The following DYNLRB2 variants were observed in gnomAD, a reference collection of about 807,000 sequenced individuals.
DYNLRB2 encodes dynein light chain roadblock-type 2, also known as bithoraxoid-like protein.
Under a neutral mutation model 12.6 loss-of-function variants are expected in DYNLRB2, and 14 were observed. The observed-to-expected ratio is 1.11, with a 90% CI of 0.73 to 1.73. DYNLRB2 has a LOEUF of 1.73. DYNLRB2 is among the 40% of genes most tolerant of loss of function. DYNLRB2 has a pLI of 0.00. For synonymous variants in DYNLRB2, 53 were observed against 37.0 expected, an observed-to-expected ratio of 1.43 and a Z score of -1.57; for missense variants, 142 against 117.7, an observed-to-expected ratio of 1.21 and a Z score of -0.95.
At chr16:80,541,343 G>C (rs1904286492) in intron 1 of DYNLRB2, 1 of 984,464 alleles carries the variant, frequency 1.0e-6, no homozygotes, top group African/African-American at 1.7e-5. Flanking sequence ...AGGGAAGAGA[G>C]AGATTCAGAG....
chr16:80,549,462 C>T, intron 2 of DYNLRB2, 22 bp from the exon 3 acceptor site: 2 of 1,555,562 alleles, frequency 1.3e-6, no homozygotes, highest in East Asian at 2.3e-5. Context: ...AAAATATTAA[C>T]CAAAATTAAA....
Position 80,543,357 on chromosome 16 carries a change from T to G in DYNLRB2, c.79+6T>G. ...TATGGTTGTAAATGCAGAAGGTAAA[T>G]ATATCACAGGCTGTCTTCTTGACAC... On this transcript the variant is annotated splice_donor_region_variant and intron_variant, in intron 2 of 3. Coordinates refer to ENST00000305904, the MANE Select transcript of DYNLRB2 (RefSeq NM_130897.3). 1.2e-6 allele frequency: 2 copies of G among 1,613,780 alleles called. No individual in the cohort carries two copies. The highest frequency in any genetic ancestry group is 1.7e-6 in the Non-Finnish European group (2 of 1,179,770).
intron 1 of DYNLRB2, among the ~76,000 whole-genome samples, chr16:80,542,788 G>A (rs765708751): frequency 2.0e-5 from 3 of 152,084 alleles, no homozygotes; most frequent in Admixed American, 1.3e-4. Context: ...TTAATCATCC[G>A]AACTGATTAG....
chr16:80,549,680 A>G, intron 3 of DYNLRB2, 29 bp downstream of exon 3: 1 of 1,550,456 alleles, frequency 6.4e-7, no homozygotes, highest in Non-Finnish European at 8.8e-7. Context: ...TCCTAGTTAA[A>G]TCATCTTTCT....
At position 80,550,567 on chromosome 16, in the gene DYNLRB2, T is replaced by C; in HGVS notation, c.*9T>C. 1 of 1,614,220 alleles carries C rather than the reference T, an allele frequency of 6.2e-7. No homozygotes were observed. Among genetic ancestry groups the C allele is most frequent in the Non-Finnish European group, 8.5e-7 (1 of 1,180,018 alleles). On this transcript the variant is annotated 3_prime_UTR_variant, in exon 4 of 4. Transcript: ENST00000305904. Reference sequence around the variant, plus strand: ...AGAATCCATGTGAATAGACCTGCGATGGCCAAGGCTGTTTAAGCGACACTG... The same window carrying C: ...AGAATCCATGTGAATAGACCTGCGACGGCCAAGGCTGTTTAAGCGACACTG...
At chr16:80,542,423 C>A (rs1904296277) in intron 1 of DYNLRB2, among the ~76,000 whole-genome samples, 1 of 152,052 alleles carries the variant, frequency 6.6e-6, no homozygotes, top group South Asian at 2.1e-4. Context: ...ATACCAAGTA[C>A]AAAGGAAAAC....
chr16:80,543,454 ATATATT>A lies in DYNLRB2; in HGVS notation c.79+109_79+114del, dbSNP rs2142306553. 9.5e-6 allele frequency: 10 copies of A among 1,047,788 alleles called. No homozygotes were observed. In the East Asian group the frequency reaches 2.6e-4, roughly 27 times the overall value. The allele number at this position is 1,047,788 out of a possible 1,614,324, so 64.9% of individuals were successfully genotyped here. A position where few individuals can be genotyped will look rare whatever the true frequency, so the allele number is the denominator to read the frequency against. ...AACATCTTCGAATTTGACATCAAAA[ATATATT>A]TATATATTTTAGCTCTGGCATTCAC... On this transcript the variant is annotated intron_variant, in intron 2 of 3. Transcript: ENST00000305904.
At chr16:80,544,214 G>T (rs1418582823) in intron 2 of DYNLRB2, among the ~76,000 whole-genome samples, 1 of 152,172 alleles carries the variant, frequency 6.6e-6, no homozygotes. Context: ...TTACCACTAA[G>T]AATGGACAAT....
chr16:80,548,956 C>CA lies in DYNLRB2; in HGVS notation c.80-527dup, dbSNP rs1445794118. On this transcript the variant is annotated intron_variant, in intron 2 of 3. Transcript: ENST00000305904. ...TTGTGGCCTCAGGGAAGAAGACTAA[C>CA]ACCATGTCACAGAGCAAGAACTTCA... 4 of 455,974 alleles carry CA rather than the reference C, an allele frequency of 8.8e-6. No homozygotes were observed. In the East Asian group the frequency reaches 2.8e-4, roughly 32 times the overall value. 28.2% of individuals were successfully genotyped at this position (455,974 alleles called of 1,614,324 possible). A position where few individuals can be genotyped will look rare whatever the true frequency, so the allele number is the denominator to read the frequency against.
intron 2 of DYNLRB2, chr16:80,544,566 A>G (rs1904336331): frequency 6.6e-6 from 1 of 152,206 alleles, no homozygotes; most frequent in South Asian, 2.1e-4. Context: ...AGGTATTTGC[A>G]TACACTCTGC....
intron 1 of DYNLRB2, 61 bp downstream of exon 1, chr16:80,541,140 TCG>T (rs1904284707): frequency 2.5e-6 from 4 of 1,569,764 alleles, no homozygotes. Context: ...TCAAGGACCT[TCG>T]CACCCAGCTT....
rs775659372 is a variant in DYNLRB2, at chr16:80,545,666, C to CTTTTTTTTTTTTTTTTTTTTT, written c.79+2334_79+2335insTTTTTTTTTTTTTTTTTTTTT. 1.2e-4 allele frequency among the ~76,000 whole-genome samples: 9 copies of CTTTTTTTTTTTTTTTTTTTTT among 74,916 alleles called. 2 individuals carry two copies. Among genetic ancestry groups the CTTTTTTTTTTTTTTTTTTTTT allele is most frequent in the East Asian group, 4.5e-4 (1 of 2,226 alleles). 49.1% of individuals were successfully genotyped at this position (74,916 alleles called of 152,430 possible). ...TATTATTTTCAGTACCCATTAGCTTCTTTTTTTTTTTTTTTTTTTGAGATG... is the reference window on the plus strand; with the variant it reads ...TATTATTTTCAGTACCCATTAGCTTCTTTTTTTTTTTTTTTTTTTTTTTTTTTTTTTTTTTTTTTTGAGATG... On this transcript the variant is annotated intron_variant, in intron 2 of 3. Transcript: ENST00000305904.
rs1419692852 is a variant in DYNLRB2, at chr16:80,549,536, C to T, written c.132C>T (p.Gly44=). 6.2e-7 allele frequency: 1 copy of T among 1,613,254 alleles called. No individual in the cohort carries two copies. Among genetic ancestry groups the T allele is most frequent in the African/African-American group, 1.3e-5 (1 of 74,916 alleles). Residue 44 remains glycine, a synonymous_variant, in exon 3 of 4, where the codon GGC becomes GGT. Transcript: ENST00000305904. ...LDNSTTVQYA[G]LLHHLTMKAK... ...ACTCAACAACTGTTCAATATGCAGG[C>T]CTTCTTCATCACCTGACAATGAAAG...
intron 2 of DYNLRB2, among the ~76,000 whole-genome samples, chr16:80,543,893 T>G (rs1007506543): frequency 6.6e-6 from 1 of 152,212 alleles, no homozygotes; most frequent in Non-Finnish European, 1.5e-5. Context: ...TACCAGAAAC[T>G]TGCTCTTGCT....
At position 80,549,496 on chromosome 16, in the gene DYNLRB2, G is replaced by A. The variant is rs370779812; in HGVS notation, c.92G>A (p.Arg31Gln). Residue 31 changes from arginine to glutamine, a missense_variant, in exon 3 of 4, where the codon CGA becomes CAA. Physicochemically the swap from Arg to Gln is conservative, Grantham distance 43 (BLOSUM62 1). Transcript: ENST00000305904. The stretch of plus-strand genomic sequence containing the variant: ...AATTTCATAATAGGTATTCCCATCC[G>A]AACAACCTTGGACAACTCAACAACT... ...MVVNAEGIPI[R>Q]TTLDNSTTVQ... is the part of the protein sequence containing the mutation. 1.4e-5 allele frequency: 22 copies of A among 1,594,980 alleles called. No individual in the cohort carries two copies. Among genetic ancestry groups the A allele is most frequent in the East Asian group, 9.0e-5 (4 of 44,626 alleles).
intron 1 of DYNLRB2, chr16:80,541,412 G>A (rs1404668535): frequency 1.0e-6 from 1 of 984,314 alleles, no homozygotes; most frequent in East Asian, 1.1e-4. Context: ...TCCAAAGAGG[G>A]GGCGGGAGGC....
In DYNLRB2 at chr16:80,541,058, G is replaced by T. The variant is rs772315633; in HGVS notation, c.-19G>T. ...AGGCTGTGCCGCCGGCCTGAGCCCA[G>T]AGTTTCGCGGCCTCCGCGATGGTAA... On this transcript the variant is annotated 5_prime_UTR_variant, in exon 1 of 4. Transcript: ENST00000305904. 6.2e-6 allele frequency: 10 copies of T among 1,608,098 alleles called. No homozygotes were observed. The highest frequency in any genetic ancestry group is 8.5e-6 in the Non-Finnish European group (10 of 1,176,698).
intron 3 of DYNLRB2, among the ~76,000 whole-genome samples, chr16:80,549,970 C>G (rs1273506254): frequency 6.6e-6 from 1 of 152,196 alleles, no homozygotes; most frequent in Non-Finnish European, 1.5e-5. Flanking sequence ...GAAATGTTCC[C>G]TGTCCTGGGG....
In DYNLRB2 at chr16:80,548,881, G is replaced by C. The variant is rs1287044211; in HGVS notation, c.80-603G>C. ...TAAGATTTGTGAAATACTGTGTGAG[G>C]AGTCCCTTTTGATGTACCCTCTAGC... On this transcript the variant is annotated intron_variant, in intron 2 of 3. Transcript: ENST00000305904. 1.3e-5 allele frequency: 6 copies of C among 454,646 alleles called. No homozygotes were observed. In the East Asian group the frequency reaches 4.2e-4, roughly 32 times the overall value. The allele number at this position is 454,646 out of a possible 1,614,324, so 28.2% of individuals were successfully genotyped here. A position where few individuals can be genotyped will look rare whatever the true frequency, so the allele number is the denominator to read the frequency against.
Sources: gnomAD v4.1 joint callset for allele counts (sites outside exome capture counted in the v4.1 genomes callset) on GRCh38, gnomAD v4.1.1 for gene constraint, MANE v1.5 for transcripts, NCBI Gene and HGNC (gene_info 2026-07-23, HGNC 2026-07-21) for gene names.